Variants in SMIM36 observed in about 807,000 individuals in gnomAD.
SMIM36 encodes small integral membrane protein 36.
chr17:55,500,945 T>C lies in SMIM36; in HGVS notation c.*174+9934A>G, dbSNP rs1170628365. ...ATATATTATATTTTATAATATATAT[T>C]ATAATATATTATATTTTATAATATA... On this transcript the variant is annotated intron_variant, in intron 1 of 4. Transcript: ENST00000636752. Among the ~76,000 whole-genome samples, 3 of 44,342 alleles carry C rather than the reference T, an allele frequency of 6.8e-5. 1 individual carries two copies. Among genetic ancestry groups the C allele is most frequent in the African/African-American group, 3.6e-4 (3 of 8,370 alleles). The allele number at this position is 44,342 out of a possible 152,430, so 29.1% of individuals were successfully genotyped here.
chr17:55,494,260 A>G (rs980879012), intron 1 of SMIM36, among the ~76,000 whole-genome samples: 14 of 152,202 alleles, frequency 9.2e-5, no homozygotes, highest in Non-Finnish European at 1.6e-4. Flanking sequence ...AGATCCAGCC[A>G]GGAAAAAGAA....
At chr17:55,486,534 T>G (rs1204217376) in intron 1 of SMIM36, among the ~76,000 whole-genome samples, 1 of 152,218 alleles carries the variant, frequency 6.6e-6, no homozygotes, top group Admixed American at 6.5e-5. Flanking sequence ...AAGCTCCACA[T>G]GCCCATTTCA....
At chr17:55,523,238 C>T in the SMIM36 span, among the ~76,000 whole-genome samples, 2 of 152,086 alleles carry the variant, frequency 1.3e-5, no homozygotes, top group Non-Finnish European at 2.9e-5. Context: ...TCAGCAAAAA[C>T]ACCACATGAG....
At chr17:55,487,993 G>T (rs1173374257) in intron 1 of SMIM36, among the ~76,000 whole-genome samples, 1 of 152,210 alleles carries the variant, frequency 6.6e-6, no homozygotes, top group African/African-American at 2.4e-5. Context: ...GAAAACCCCA[G>T]TAAGAGGCGA....
intron 1 of SMIM36, among the ~76,000 whole-genome samples, chr17:55,480,918 G>A (rs947635552): frequency 3.3e-5 from 5 of 152,018 alleles, no homozygotes; most frequent in East Asian, 1.9e-4. Flanking sequence ...ATTTTTCTAG[G>A]CATATTATAA....
At chr17:55,530,679 A>G in the SMIM36 span, among the ~76,000 whole-genome samples, 2 of 152,082 alleles carry the variant, frequency 1.3e-5, no homozygotes, top group African/African-American at 4.8e-5. Flanking sequence ...GCTACTCAGG[A>G]GGCTGAGGCA....
intron 1 of SMIM36, among the ~76,000 whole-genome samples, chr17:55,508,641 G>T (rs1910126372): frequency 6.6e-6 from 1 of 151,554 alleles, no homozygotes; most frequent in Non-Finnish European, 1.5e-5. Flanking sequence ...TGAAGATGGT[G>T]GCTGAGCGCG....
chr17:55,502,686 C>T (rs1382424710), intron 1 of SMIM36, among the ~76,000 whole-genome samples: 16 of 120,964 alleles, frequency 1.3e-4, no homozygotes, highest in Middle Eastern at 3.6e-3. Flanking sequence ...TCCAAAGGAA[C>T]GCAGCTCCTC....
chr17:55,456,584 C>T (rs1447804258), intron 4 of SMIM36, among the ~76,000 whole-genome samples: 1 of 152,152 alleles, frequency 6.6e-6, no homozygotes, highest in Non-Finnish European at 1.5e-5. Context: ...CCCTAATTTT[C>T]CGCAAATTAA....
intron 1 of SMIM36, among the ~76,000 whole-genome samples, chr17:55,487,765 GGA>G (rs750286070): frequency 2.0e-5 from 3 of 152,188 alleles, no homozygotes; most frequent in Non-Finnish European, 4.4e-5. Flanking sequence ...ATCACAGAAA[GGA>G]GAGAGTGGCT....
chr17:55,488,502 T>C (rs1433455183), intron 1 of SMIM36, among the ~76,000 whole-genome samples: 4 of 152,214 alleles, frequency 2.6e-5, no homozygotes, highest in Non-Finnish European at 5.9e-5. Flanking sequence ...CATATGTACA[T>C]TATACTTTTT....
chr17:55,501,602 C>G (rs1304994349), intron 1 of SMIM36, among the ~76,000 whole-genome samples: 1 of 130,876 alleles, frequency 7.6e-6, no homozygotes, highest in Non-Finnish European at 1.5e-5. Flanking sequence ...TATATAAAAT[C>G]AGTGTATATA....
At chr17:55,500,658 GAAGTT>G (rs1182365683) in intron 1 of SMIM36, among the ~76,000 whole-genome samples, 2 of 148,140 alleles carry the variant, frequency 1.4e-5, no homozygotes, top group Non-Finnish European at 1.5e-5. Flanking sequence ...ATCTAATATT[GAAGTT>G]AAGAAAATAA....
chr17:55,498,746 C>T (rs1269869088), intron 1 of SMIM36, among the ~76,000 whole-genome samples: 1 of 151,922 alleles, frequency 6.6e-6, no homozygotes, highest in Non-Finnish European at 1.5e-5. Context: ...CACCTGTAAT[C>T]CCAGCACTCT....
chr17:55,455,876 G>A (rs1267798761), intron 4 of SMIM36, among the ~76,000 whole-genome samples: 2 of 151,938 alleles, frequency 1.3e-5, no homozygotes, highest in African/African-American at 2.4e-5. Context: ...CCAGCACTTT[G>A]GGAGGCCGAG....
At chr17:55,486,690 T>TG (rs1909614539) in intron 1 of SMIM36, among the ~76,000 whole-genome samples, 5 of 152,196 alleles carry the variant, frequency 3.3e-5, no homozygotes, top group African/African-American at 1.2e-4. Context: ...TGCCCTACCT[T>TG]ATATTCTATC....
chr17:55,514,002 T>C (rs1360086359), upstream of SMIM36, among the ~76,000 whole-genome samples: 3 of 152,186 alleles, frequency 2.0e-5, no homozygotes, highest in Non-Finnish European at 4.4e-5. Context: ...AGTTTTTTGT[T>C]TCTGTTTCCA....
intron 1 of SMIM36, among the ~76,000 whole-genome samples, chr17:55,489,077 T>A (rs149691731): frequency 5.5e-4 from 83 of 152,212 alleles, no homozygotes; most frequent in African/African-American, 1.9e-3. Flanking sequence ...ATAATTATAT[T>A]TAGAAAACAG....
chr17:55,518,745 G>A, the SMIM36 span, among the ~76,000 whole-genome samples: 8 of 152,086 alleles, frequency 5.3e-5, no homozygotes, highest in Non-Finnish European at 1.0e-4. Context: ...AGCATCATGC[G>A]AGCCCATGGG....
Sources: gnomAD v4.1 joint callset for allele counts (sites outside exome capture counted in the v4.1 genomes callset) on GRCh38, gnomAD v4.1.1 for gene constraint, MANE v1.5 for transcripts, NCBI Gene and HGNC (gene_info 2026-07-23, HGNC 2026-07-21) for gene names.